KLHDC4: variants seen among roughly 807,000 people sequenced by gnomAD.
The protein encoded by KLHDC4 is kelch domain-containing protein 4.
A neutral mutation model predicts 62.4 loss-of-function variants in KLHDC4; 90 were observed. That is an observed-to-expected ratio of 1.44 (90% CI 1.22 to 1.72). KLHDC4 has a LOEUF of 1.72. Among genes scored for constraint, KLHDC4 ranks in the 40% most tolerant of loss-of-function variants. The probability of loss-of-function intolerance (pLI) is 0.00; values close to 1 mark genes in which losing one functional copy is unlikely to be tolerated. For synonymous variants in KLHDC4, 386 were observed against 284.4 expected (o/e 1.36, Z -3.59); for missense variants, 1,025 against 699.7 (o/e 1.47, Z -5.25).
downstream of KLHDC4, among the ~76,000 whole-genome samples, chr16:87,703,735 G>A (rs1010863421): frequency 3.3e-5 from 5 of 152,310 alleles, no homozygotes; most frequent in African/African-American, 1.2e-4. Context: ...CAGGGAAGCC[G>A]GGTCACCGTG....
At chr16:87,743,780 C>A (rs2042606808) in intron 5 of KLHDC4, among the ~76,000 whole-genome samples, 1 of 151,852 alleles carries the variant, frequency 6.6e-6, no homozygotes, top group Non-Finnish European at 1.5e-5. Context: ...AATAAATAAA[C>A]CTAACTTCCC....
At chr16:87,700,593 G>A (rs1184286913) in exon 1 of KLHDC4, 2 of 193,314 alleles carry the variant, frequency 1.0e-5, no homozygotes, top group African/African-American at 5.1e-5. Context: ...GGAGGGAGGA[G>A]AGAAGAGGTG....
intron 5 of KLHDC4, among the ~76,000 whole-genome samples, chr16:87,736,302 T>C (rs1299276368): frequency 6.6e-6 from 1 of 152,122 alleles, no homozygotes; most frequent in African/African-American, 2.4e-5. Flanking sequence ...AAAAACACAG[T>C]CTGATCATCT....
At chr16:87,748,639 T>C in intron 5 of KLHDC4, 34 bp downstream of exon 5, 1 of 1,613,194 alleles carries the variant, frequency 6.2e-7, no homozygotes, top group Non-Finnish European at 8.5e-7. Context: ...AGAAGAGCCA[T>C]GCCCGGAGCT....
chr16:87,717,741 G>A (rs1165269211), intron 7 of KLHDC4, among the ~76,000 whole-genome samples: 1 of 148,016 alleles, frequency 6.8e-6, no homozygotes, highest in Admixed American at 6.6e-5. Flanking sequence ...ATCTGCTGGG[G>A]GGACAAGGAA....
intron 6 of KLHDC4, among the ~76,000 whole-genome samples, chr16:87,727,348 G>A (rs1038032323): frequency 6.6e-6 from 1 of 152,212 alleles, no homozygotes; most frequent in African/African-American, 2.4e-5. Flanking sequence ...AATTCCATTA[G>A]GTTATTAGGT....
At chr16:87,765,695 C>T in intron 1 of KLHDC4, 97 bp downstream of exon 1, 1 of 1,206,896 alleles carries the variant, frequency 8.3e-7, no homozygotes, top group Non-Finnish European at 1.1e-6. Flanking sequence ...GCCGGCGCGG[C>T]TCCCACGGCC....
At chr16:87,717,968 G>A (rs1279140842) in intron 7 of KLHDC4, among the ~76,000 whole-genome samples, 4 of 152,128 alleles carry the variant, frequency 2.6e-5, no homozygotes, top group African/African-American at 9.7e-5. Flanking sequence ...CCAGAGAGGT[G>A]GAGCACTTCA....
At position 87,765,860 on chromosome 16, in the gene KLHDC4, C is replaced by G. The variant is rs765224804; in HGVS notation, c.31G>C (p.Gly11Arg). The G allele has an allele frequency of 1.2e-4, 191 of 1,552,374 alleles. No individual in the cohort carries two copies. Among genetic ancestry groups the G allele is most frequent in the Non-Finnish European group, 1.6e-4 (184 of 1,147,370 alleles). Residue 11 changes from glycine to arginine, a missense_variant, in exon 1 of 12, where the codon GGC becomes CGC. By Grantham distance (125) the Gly-to-Arg change is moderately radical (BLOSUM62 -2). Coordinates refer to ENST00000270583, the MANE Select transcript of KLHDC4 (RefSeq NM_017566.4). The stretch of plus-strand genomic sequence containing the variant: ...GCGGCCGTCTTCTCCGCGCCGCGGC[C>G]CTTCTTCTCCTTCTTGCCCTTCTTG... MGKKGKKEKKGRGAEKTAAKM... is the reference protein window; with the variant it reads MGKKGKKEKKRRGAEKTAAKM...
chr16:87,756,865 G>A (rs964264194), intron 2 of KLHDC4, among the ~76,000 whole-genome samples: 3 of 151,840 alleles, frequency 2.0e-5, no homozygotes, highest in Non-Finnish European at 4.4e-5. Context: ...CCAGGCTGGA[G>A]TGCAATGGCA....
intron 5 of KLHDC4, among the ~76,000 whole-genome samples, chr16:87,737,854 G>C (rs1290798218): frequency 1.3e-5 from 2 of 152,038 alleles, no homozygotes; most frequent in African/African-American, 4.8e-5. Context: ...GCCTCCCAAA[G>C]TGCTGGGATT....
rs140426283 is a variant in KLHDC4 at position 87,726,872 on chromosome 16, A to T, written c.652T>A (p.Trp218Arg). The T allele has an allele frequency of 4.3e-6, 7 of 1,613,828 alleles. No individual in the cohort carries two copies. The East Asian group carries it at 1.3e-4, about 31-fold the overall frequency. The stretch of plus-strand genomic sequence containing the variant: ...GTCCCTGACGGGGACAGCTTGCTCC[A>T]TGTGAAGGTGTCCAGATTAAAGGCA... ...VYAFNLDTFT[W>R]SKLSPSGTGP... Residue 218 changes from tryptophan (W) to arginine (R), a missense_variant, in exon 7 of 12, where the codon TGG (tryptophan) becomes AGG (arginine). Coordinates refer to ENST00000270583, the MANE Select transcript of KLHDC4 (RefSeq NM_017566.4).
At chr16:87,747,102 G>A (rs1366534795) in intron 5 of KLHDC4, among the ~76,000 whole-genome samples, 1 of 152,204 alleles carries the variant, frequency 6.6e-6, no homozygotes, top group Non-Finnish European at 1.5e-5. Flanking sequence ...CCCACGATCC[G>A]AGTGACAGAA....
At chr16:87,757,571 A>C (rs916035115) in intron 2 of KLHDC4, 2 of 152,136 alleles carry the variant, frequency 1.3e-5, no homozygotes, top group Admixed American at 6.6e-5. Context: ...ATGAGAACAA[A>C]AGAAGAGCTA....
At chr16:87,764,437 G>A (rs1363470185) in intron 1 of KLHDC4, among the ~76,000 whole-genome samples, 1 of 151,936 alleles carries the variant, frequency 6.6e-6, no homozygotes, top group Non-Finnish European at 1.5e-5. Context: ...ATCACCTGAG[G>A]TCAGGAGTCC....
chr16:87,711,434 A>G lies in KLHDC4; in HGVS notation c.845T>C (p.Val282Ala). 6.2e-7 allele frequency: 1 copy of G among 1,609,712 alleles called. No individual in the cohort carries two copies. Among genetic ancestry groups the G allele is most frequent in the South Asian group, 1.1e-5 (1 of 91,022 alleles). Reference protein sequence around the residue: ...KPEDGREDKWVWTRMNPSGVK... With the variant: ...KPEDGREDKWAWTRMNPSGVK... ...CCCCGAAGGGTTCATCCGAGTCCAAACCCACTTGTCTGTCAAAAGAGAACA... is the reference window on the plus strand; with the variant it reads ...CCCCGAAGGGTTCATCCGAGTCCAAGCCCACTTGTCTGTCAAAAGAGAACA... The change falls in exon 9 of 12, where the codon GTT becomes GCT. Residue 282 changes from valine to alanine, a missense_variant. Physicochemically the swap from Val to Ala is moderately conservative, Grantham distance 64. Coordinates refer to ENST00000270583, the MANE Select transcript of KLHDC4 (RefSeq NM_017566.4).
intron 6 of KLHDC4, 48 bp downstream of exon 6, chr16:87,730,504 C>T (rs373311449): frequency 4.3e-5 from 62 of 1,458,044 alleles, no homozygotes; most frequent in Admixed American, 8.6e-5. Context: ...AAAAAGCCCA[C>T]TCCTTAATGC....
chr16:87,734,187 A>C (rs963444519), intron 5 of KLHDC4, among the ~76,000 whole-genome samples: 1 of 150,272 alleles, frequency 6.7e-6, no homozygotes, highest in South Asian at 2.1e-4. Context: ...TATACTAAAA[A>C]TACAGTAATT....
At chr16:87,754,376 C>T (rs1055724415) in intron 4 of KLHDC4, among the ~76,000 whole-genome samples, 2 of 152,186 alleles carry the variant, frequency 1.3e-5, no homozygotes. Flanking sequence ...CAAGCGTATA[C>T]AAATCTGATT....
Sources: gnomAD v4.1 joint callset for allele counts (sites outside exome capture counted in the v4.1 genomes callset) on GRCh38, gnomAD v4.1.1 for gene constraint, MANE v1.5 for transcripts, NCBI Gene and HGNC (gene_info 2026-07-23, HGNC 2026-07-21) for gene names.